The following TBC1D20 variants were observed in gnomAD, a reference collection of about 807,000 sequenced individuals.
TBC1D20 encodes chromosome 20 open reading frame 140.
Under a neutral mutation model 41.6 loss-of-function variants are expected in TBC1D20, and 12 were observed. That is an observed-to-expected ratio of 0.29 (90% CI 0.18 to 0.47). The LOEUF (loss-of-function observed/expected upper bound fraction) is 0.47. Ranked by LOEUF, TBC1D20 falls within the 20% of genes least tolerant of loss-of-function variation. The pLI is 1.00. For missense variants in TBC1D20, 421 were observed against 517.4 expected (o/e 0.81, Z 1.81); for synonymous variants, 205 against 204.8 (o/e 1.00, Z -0.01).
chr20:445,180 C>A (rs753812032), intron 2 of TBC1D20, 50 bp from the exon 3 acceptor site: 7 of 1,439,488 alleles, frequency 4.9e-6, no homozygotes, highest in Non-Finnish European at 6.7e-6. Flanking sequence ...GAAGCCAGAC[C>A]AGAAGCAAAA....
chr20:438,766 C>CCGCTT lies in TBC1D20; in HGVS notation c.1031_1032insAAGCG (p.Phe345SerfsTer17). ...CTTCAGGCCGCAGAAGTCCCCGAAA[C>CCGCTT]CGCTGCCGCAGCACCATATCAGGCC... On this transcript the variant is annotated frameshift_variant, in exon 8 of 8. Transcript: ENST00000354200. LOFTEE classifies it high-confidence loss of function. 6.2e-7 allele frequency: 1 copy of CCGCTT among 1,614,232 alleles called. No homozygotes were observed. Among genetic ancestry groups the CCGCTT allele is most frequent in the Non-Finnish European group, 8.5e-7 (1 of 1,180,044 alleles).
rs2122375971 is a variant in TBC1D20, at chr20:437,292, T to C, written c.*1294A>G. On this transcript the variant is annotated 3_prime_UTR_variant, in exon 8 of 8. Transcript: ENST00000354200. ...CTGGTGTGTTCACTTTAAGAAAACA[T>C]CTGCCAAGAGAGAAGAGTGCCCAGG... 1 of 152,692 alleles carries C rather than the reference T, an allele frequency of 6.5e-6. No homozygotes were observed. The allele number at this position is 152,692 out of a possible 1,614,324, so 9.5% of individuals were successfully genotyped here.
intron 1 of TBC1D20, among the ~76,000 whole-genome samples, chr20:459,905 C>A (rs2122431452): frequency 6.6e-6 from 1 of 152,220 alleles, no homozygotes; most frequent in Non-Finnish European, 1.5e-5. Flanking sequence ...ATTTCTGCCC[C>A]CTCAGAGTAA....
In TBC1D20 at chr20:436,221, C is replaced by G. The variant is rs1351025802; in HGVS notation, c.*2365G>C. ...CTGGGCCTGACATGGAAGGTGGGAG[C>G]ATCCAGATCAGAGACCATTCCCACT... On this transcript the variant is annotated 3_prime_UTR_variant, in exon 8 of 8. Transcript: ENST00000354200. 6.6e-6 allele frequency: 1 copy of G among 152,220 alleles called. No individual in the cohort carries two copies. Among genetic ancestry groups the G allele is most frequent in the African/African-American group, 2.4e-5 (1 of 41,446 alleles). The allele number at this position is 152,220 out of a possible 1,614,324, so 9.4% of individuals were successfully genotyped here. A position where few individuals can be genotyped will look rare whatever the true frequency, so the allele number is the denominator to read the frequency against.
chr20:451,817 A>G (rs1455617230), intron 1 of TBC1D20, among the ~76,000 whole-genome samples: 1 of 152,128 alleles, frequency 6.6e-6, no homozygotes, highest in African/African-American at 2.4e-5. Flanking sequence ...CCATATATAT[A>G]TAGTTTAAAT....
Position 438,541 on chromosome 20 carries a change from G to A in TBC1D20, c.*45C>T. 1 of 1,592,860 alleles carries A rather than the reference G, an allele frequency of 6.3e-7. No individual in the cohort carries two copies. The highest frequency in any genetic ancestry group is 8.6e-7 in the Non-Finnish European group (1 of 1,165,436). On this transcript the variant is annotated 3_prime_UTR_variant, in exon 8 of 8. Transcript: ENST00000354200. Reference sequence around the variant, plus strand: ...CACCCCTCCCAATCCTTCCATGGAAGGGTGAGACCTTAATGTGATGTAAGA... The same window carrying A: ...CACCCCTCCCAATCCTTCCATGGAAAGGTGAGACCTTAATGTGATGTAAGA...
At chr20:440,438 CCT>C (rs774406768) in intron 5 of TBC1D20, 49 bp from the exon 6 acceptor site, 7 of 1,608,864 alleles carry the variant, frequency 4.4e-6, no homozygotes, top group Non-Finnish European at 5.9e-6. Flanking sequence ...CCATCCCTTC[CCT>C]CTCTCTGGGC....
chr20:438,508 G>A lies in TBC1D20; in HGVS notation c.*78C>T. On this transcript the variant is annotated 3_prime_UTR_variant, in exon 8 of 8. Transcript: ENST00000354200. ...TCTGGACAGAAACCCTTTTAATAAA[G>A]GAAATTCCACCCCTCCCAATCCTTC... The A allele has an allele frequency of 1.3e-6, 2 of 1,513,362 alleles. No individual in the cohort carries two copies. Among genetic ancestry groups the A allele is most frequent in the Admixed American group, 4.0e-5 (2 of 50,260 alleles). The allele number at this position is 1,513,362 out of a possible 1,614,324, so 93.7% of individuals were successfully genotyped here. A position where few individuals can be genotyped will look rare whatever the true frequency, so the allele number is the denominator to read the frequency against.
chr20:445,611 C>T (rs888587923), intron 2 of TBC1D20, among the ~76,000 whole-genome samples: 2 of 152,192 alleles, frequency 1.3e-5, no homozygotes, highest in Non-Finnish European at 2.9e-5. Flanking sequence ...TAAAGAACCA[C>T]CTAACAACTC....
At chr20:450,240 C>A (rs764289469) in intron 1 of TBC1D20, among the ~76,000 whole-genome samples, 4 of 151,810 alleles carry the variant, frequency 2.6e-5, no homozygotes, top group Non-Finnish European at 5.9e-5. Flanking sequence ...CCTCCCTGTC[C>A]CAGGTTCAAG....
At chr20:445,557 T>C (rs562211242) in intron 2 of TBC1D20, among the ~76,000 whole-genome samples, 1 of 152,268 alleles carries the variant, frequency 6.6e-6, no homozygotes, top group African/African-American at 2.4e-5. Flanking sequence ...CCTATAAAGT[T>C]GTGGGAGCAC....
intron 2 of TBC1D20, 55 bp downstream of exon 2, chr20:447,834 T>G: frequency 6.9e-7 from 1 of 1,454,794 alleles, no homozygotes; most frequent in Non-Finnish European, 9.3e-7. Context: ...CCTGGAATTC[T>G]TTTCCCCCTG....
intron 3 of TBC1D20, among the ~76,000 whole-genome samples, chr20:443,385 T>TA (rs2017274535): frequency 6.6e-6 from 1 of 152,088 alleles, no homozygotes; most frequent in African/African-American, 2.4e-5. Context: ...CTGCCAGCAG[T>TA]AAAAATGCCT....
intron 1 of TBC1D20, among the ~76,000 whole-genome samples, chr20:449,056 AG>A (rs1314844818): frequency 1.3e-5 from 2 of 150,390 alleles, no homozygotes; most frequent in African/African-American, 4.9e-5. Context: ...AACGTTGGCC[AG>A]GGTGGTCATG....
intron 1 of TBC1D20, among the ~76,000 whole-genome samples, chr20:452,269 T>G (rs1040678012): frequency 6.6e-6 from 1 of 152,084 alleles, no homozygotes; most frequent in Non-Finnish European, 1.5e-5. Flanking sequence ...ATCGCACAAC[T>G]GCACTCCAGC....
At position 462,417 on chromosome 20, in the gene TBC1D20, C is replaced by G. The variant is rs2017651150; in HGVS notation, c.-12G>C. The G allele has an allele frequency of 2.5e-6, 3 of 1,219,296 alleles. No homozygotes were observed. Among genetic ancestry groups the G allele is most frequent in the Non-Finnish European group, 3.1e-6 (3 of 972,884 alleles). 75.5% of individuals were successfully genotyped at this position (1,219,296 alleles called of 1,614,324 possible). On this transcript the variant is annotated 5_prime_UTR_variant, in exon 1 of 8. Transcript: ENST00000354200. ...CTCCGGAGGGCCATGCCCCGGGGCC[C>G]CGGGCCCCCACCCGAGCCCCGGCTG... is the stretch of plus-strand genomic sequence containing the variant.
At chr20:448,146 C>T in intron 1 of TBC1D20, 72 bp from the exon 2 acceptor site, 4 of 1,114,114 alleles carry the variant, frequency 3.6e-6, no homozygotes, top group Non-Finnish European at 5.3e-6. Flanking sequence ...GACTCAAGCT[C>T]CTTTTTGATA....
chr20:457,715 C>G lies in TBC1D20; in HGVS notation c.70+4621G>C, dbSNP rs1372373667. 3.9e-5 allele frequency among the ~76,000 whole-genome samples: 6 copies of G among 152,320 alleles called. No homozygotes were observed. The East Asian group carries it at 1.2e-3, about 29-fold the overall frequency. Reference sequence around the variant, plus strand: ...GCAGGTAGCACCGCAGTAAAAGAGGCTGGGCTGGATTCATCCCGCAAAGGA... The same window carrying G: ...GCAGGTAGCACCGCAGTAAAAGAGGGTGGGCTGGATTCATCCCGCAAAGGA... On this transcript the variant is annotated intron_variant, in intron 1 of 7. Coordinates refer to ENST00000354200, the MANE Select transcript of TBC1D20 (RefSeq NM_144628.4).
At chr20:459,116 T>C (rs1334775853) in intron 1 of TBC1D20, among the ~76,000 whole-genome samples, 1 of 152,228 alleles carries the variant, frequency 6.6e-6, no homozygotes, top group East Asian at 1.9e-4. Flanking sequence ...GATCAACTGC[T>C]AGACGACACA....
Sources: allele counts gnomAD v4.1 joint callset (sites outside exome capture counted in the v4.1 genomes callset), GRCh38; gene constraint gnomAD v4.1.1; transcripts MANE v1.5; gene names NCBI Gene and HGNC (gene_info 2026-07-23, HGNC 2026-07-21).